UNC13C: variants seen among roughly 807,000 people sequenced by gnomAD.
The protein encoded by UNC13C is protein unc-13 homolog C.
A neutral mutation model predicts 245.4 loss-of-function variants in UNC13C; 174 were observed. The observed-to-expected ratio is 0.71, with a 90% CI of 0.63 to 0.80. The LOEUF is 0.80. Among genes scored for constraint, UNC13C ranks in the 30% least tolerant of loss-of-function variants. UNC13C has a pLI of 0.00. For synonymous variants in UNC13C, 992 were observed against 895.1 expected, an observed-to-expected ratio of 1.11 and a Z score of -1.93; for missense variants, 2,829 against 2,602.9, an observed-to-expected ratio of 1.09 and a Z score of -1.89.
intron 30 of UNC13C, among the ~76,000 whole-genome samples, chr15:54,604,039 C>T (rs1023436045): frequency 1.3e-5 from 2 of 152,112 alleles, no homozygotes; most frequent in South Asian, 2.1e-4. Flanking sequence ...GCCTGGTACA[C>T]GGTTTTCCAG....
chr15:54,512,368 C>A lies in UNC13C; in HGVS notation c.5457+538C>A, dbSNP rs148124709. ...AGCAGAAGAAGGAAGGAGAAAGATT[C>A]TTTTATGAGGTTTGTGATAGTAAGC... On this transcript the variant is annotated intron_variant, in intron 24 of 32. Coordinates refer to ENST00000260323, the MANE Select transcript of UNC13C (RefSeq NM_001080534.3). The A allele has an allele frequency of 2.7e-3, 1,237 of 455,842 alleles. 20 individuals are homozygous for A. The highest frequency in any genetic ancestry group is 0.023 in the African/African-American group (1,134 of 50,166). 28.2% of individuals were successfully genotyped at this position (455,842 alleles called of 1,614,324 possible).
rs1382949319 is a variant in UNC13C at position 54,500,104 on chromosome 15, T to C, written c.5086T>C (p.Trp1696Arg). 6.2e-7 allele frequency: 1 copy of C among 1,610,800 alleles called. No homozygotes were observed. Among genetic ancestry groups the C allele is most frequent in the East Asian group, 2.2e-5 (1 of 44,746 alleles). Residue 1696 changes from tryptophan to arginine, a missense_variant, in exon 21 of 33, where the codon TGG (tryptophan) becomes CGG (arginine). By Grantham distance (101) the Trp-to-Arg change is moderately radical. Coordinates refer to ENST00000260323, the MANE Select transcript of UNC13C (RefSeq NM_001080534.3). ...SLWFEPFVMQ[W>R]LDENEDVSME... Reference sequence around the variant, plus strand: ...GTGGTTTGAACCTTTTGTCATGCAATGGCTAGATGAAAACGAAGATGTGTC... The same window carrying C: ...GTGGTTTGAACCTTTTGTCATGCAACGGCTAGATGAAAACGAAGATGTGTC...
chr15:54,474,474 T>TC (rs1455101290), intron 19 of UNC13C, among the ~76,000 whole-genome samples: 1 of 152,028 alleles, frequency 6.6e-6, no homozygotes, highest in East Asian at 1.9e-4. Flanking sequence ...GTATGTCATT[T>TC]TTTTTGAGAA....
At chr15:54,212,131 G>A (rs971473520) in intron 4 of UNC13C, among the ~76,000 whole-genome samples, 4 of 152,020 alleles carry the variant, frequency 2.6e-5, no homozygotes, top group African/African-American at 9.7e-5. Flanking sequence ...CATTATCATA[G>A]TGCTTGAAGT....
At chr15:54,142,087 A>G (rs1372901554) in intron 2 of UNC13C, among the ~76,000 whole-genome samples, 1 of 152,204 alleles carries the variant, frequency 6.6e-6, no homozygotes, top group African/African-American at 2.4e-5. Context: ...TTATGCTAAT[A>G]AGCAAAGATG....
At chr15:53,928,235 C>T in the UNC13C span, among the ~76,000 whole-genome samples, 2 of 152,228 alleles carry the variant, frequency 1.3e-5, no homozygotes, top group Non-Finnish European at 1.5e-5. Context: ...CAGTCATTAG[C>T]ATTGTTTCTA....
At chr15:54,368,008 G>T (rs542020487) in intron 17 of UNC13C, among the ~76,000 whole-genome samples, 14 of 152,232 alleles carry the variant, frequency 9.2e-5, no homozygotes, top group Non-Finnish European at 1.9e-4. Flanking sequence ...AAAAACTTCA[G>T]CTGGACTGCA....
At chr15:54,062,978 A>T (rs1242385227) in intron 2 of UNC13C, among the ~76,000 whole-genome samples, 10 of 152,194 alleles carry the variant, frequency 6.6e-5, no homozygotes, top group African/African-American at 2.2e-4. Context: ...GAAGTTGGTG[A>T]GAGGGGAAAG....
chr15:54,192,821 A>C (rs537240829), intron 4 of UNC13C, among the ~76,000 whole-genome samples: 1 of 152,172 alleles, frequency 6.6e-6, no homozygotes, highest in African/African-American at 2.4e-5. Context: ...TTTGAATTAC[A>C]GACAATAGTT....
intron 2 of UNC13C, among the ~76,000 whole-genome samples, chr15:54,111,377 C>T (rs1406616635): frequency 6.6e-6 from 1 of 152,188 alleles, no homozygotes; most frequent in African/African-American, 2.4e-5. Flanking sequence ...AATTGTTCAT[C>T]CTTCTTTTTT....
At chr15:54,250,114 T>C (rs2140863908) in intron 7 of UNC13C, 111 bp from the exon 8 acceptor site, 1 of 952,344 alleles carries the variant, frequency 1.1e-6, no homozygotes, top group South Asian at 1.5e-5. Context: ...ATCCAGGGGC[T>C]CTCTCAAAAT....
At chr15:54,088,233 C>T (rs911411595) in intron 2 of UNC13C, among the ~76,000 whole-genome samples, 1 of 125,634 alleles carries the variant, frequency 8.0e-6, no homozygotes, top group Non-Finnish European at 1.6e-5. Context: ...TTTTTACCCC[C>T]TCATCCAATC....
intron 2 of UNC13C, among the ~76,000 whole-genome samples, chr15:54,077,902 C>A (rs140595275): frequency 9.2e-5 from 14 of 152,180 alleles, no homozygotes; most frequent in African/African-American, 3.4e-4. Context: ...GGGGTTTGGG[C>A]TTCTAGTGAA....
chr15:54,404,465 A>G (rs1456146123), intron 18 of UNC13C, among the ~76,000 whole-genome samples: 1 of 152,146 alleles, frequency 6.6e-6, no homozygotes, highest in Non-Finnish European at 1.5e-5. Context: ...TAAAAACAGG[A>G]GACAGTCACA....
At chr15:54,078,466 G>A (rs11853573) in intron 2 of UNC13C, among the ~76,000 whole-genome samples, 71,313 of 152,022 alleles carry the variant, frequency 0.47, 18,670 homozygotes, top group Non-Finnish European at 0.6. Context: ...TAGTGTATAA[G>A]TGTTCCCTTT....
chr15:54,321,781 G>A (rs17237480), intron 13 of UNC13C, among the ~76,000 whole-genome samples, 158 bp from the exon 14 acceptor site: 89,225 of 151,798 alleles, frequency 0.59, 26,943 homozygotes, highest in Middle Eastern at 0.67. Context: ...GAAATTTTCA[G>A]AAGGCCAAAA....
chr15:53,966,876 CT>C, the UNC13C span, among the ~76,000 whole-genome samples: 1 of 151,882 alleles, frequency 6.6e-6, no homozygotes, highest in East Asian at 1.9e-4. Context: ...GTTAGATTTT[CT>C]TTTCTTAGCT....
At chr15:54,344,506 T>TG (rs1016479827) in intron 17 of UNC13C, among the ~76,000 whole-genome samples, 1 of 152,218 alleles carries the variant, frequency 6.6e-6, no homozygotes, top group African/African-American at 2.4e-5. Flanking sequence ...AGGGAATGCT[T>TG]GGGGCTAAGC....
intron 18 of UNC13C, among the ~76,000 whole-genome samples, chr15:54,397,519 A>T (rs1432358309): frequency 9.2e-5 from 14 of 151,422 alleles, no homozygotes; most frequent in Non-Finnish European, 1.8e-4. Context: ...GCTCCTTTGC[A>T]ATTCCATTTA....
Sources: allele counts gnomAD v4.1 joint callset (sites outside exome capture counted in the v4.1 genomes callset), GRCh38; gene constraint gnomAD v4.1.1; transcripts MANE v1.5; gene names NCBI Gene and HGNC (gene_info 2026-07-23, HGNC 2026-07-21).